CTNND2: variants seen among roughly 807,000 people sequenced by gnomAD.
CTNND2 encodes catenin delta 2, also known as catenin delta-2.
A neutral mutation model predicts 144.4 loss-of-function variants in CTNND2; 22 were observed. That is an observed-to-expected ratio of 0.15 (90% CI 0.11 to 0.22). The LOEUF is 0.22. Among genes scored for constraint, CTNND2 ranks in the 10% least tolerant of loss-of-function variants. The pLI is 1.00. For synonymous variants in CTNND2, 751 were observed against 695.6 expected, an observed-to-expected ratio of 1.08 and a Z score of -1.25; for missense variants, 1,353 against 1,618.8, an observed-to-expected ratio of 0.84 and a Z score of 2.82.
chr5:11,826,957 A>G (rs1197992604), intron 1 of CTNND2, among the ~76,000 whole-genome samples: 1 of 152,112 alleles, frequency 6.6e-6, no homozygotes, highest in Non-Finnish European at 1.5e-5. Context: ...AACCCTACAC[A>G]ACGGTATCAA....
chr5:11,032,124 C>T (rs1313110222), intron 16 of CTNND2, among the ~76,000 whole-genome samples: 1 of 152,158 alleles, frequency 6.6e-6, no homozygotes, highest in Non-Finnish European at 1.5e-5. Flanking sequence ...TGATTGTGTC[C>T]AGGTGGTGAG....
chr5:11,680,046 G>C (rs1191738293), intron 2 of CTNND2, among the ~76,000 whole-genome samples: 1 of 152,198 alleles, frequency 6.6e-6, no homozygotes, highest in Admixed American at 6.5e-5. Flanking sequence ...AGTGTAACAT[G>C]AAGGAAAGTC....
At chr5:11,481,735 G>T (rs1269722999) in intron 3 of CTNND2, among the ~76,000 whole-genome samples, 1 of 152,142 alleles carries the variant, frequency 6.6e-6, no homozygotes, top group Admixed American at 6.5e-5. Context: ...CACAAAGGAA[G>T]GTTGAGTATT....
At chr5:11,111,126 C>T in intron 13 of CTNND2, 83 bp from the exon 14 acceptor site, 1 of 1,394,570 alleles carries the variant, frequency 7.2e-7, no homozygotes, top group East Asian at 2.3e-5. Context: ...AGGCCTCTTT[C>T]TCCATGGACA....
At chr5:11,299,913 G>T (rs1002047795) in intron 9 of CTNND2, among the ~76,000 whole-genome samples, 4 of 151,998 alleles carry the variant, frequency 2.6e-5, no homozygotes, top group Non-Finnish European at 4.4e-5. Flanking sequence ...TCAGTGCTCT[G>T]ATATGCCATG....
At chr5:11,503,751 C>G (rs1770747474) in intron 3 of CTNND2, among the ~76,000 whole-genome samples, 1 of 152,178 alleles carries the variant, frequency 6.6e-6, no homozygotes, top group South Asian at 2.1e-4. Context: ...TTTCTGTAAA[C>G]TGGTTTGTTC....
chr5:11,650,118 T>C (rs2561610), intron 2 of CTNND2, among the ~76,000 whole-genome samples: 54,644 of 152,032 alleles, frequency 0.36, 13,013 homozygotes, highest in African/African-American at 0.68. Context: ...AGGGGCCTGG[T>C]GGAACATGAT....
intron 2 of CTNND2, among the ~76,000 whole-genome samples, chr5:11,601,159 C>T (rs570736132): frequency 1.2e-4 from 19 of 152,060 alleles, no homozygotes; most frequent in South Asian, 2.1e-4. Flanking sequence ...GATGTATAAA[C>T]GAGAACATGC....
chr5:11,850,407 A>T (rs1582001804), intron 1 of CTNND2, among the ~76,000 whole-genome samples: 1 of 152,204 alleles, frequency 6.6e-6, no homozygotes, highest in African/African-American at 2.4e-5. Context: ...ACTAACAATC[A>T]ACTTCTCATT....
rs1037000492 is a variant in CTNND2, at chr5:11,872,007, A to G, written c.37+31810T>C. Among the ~76,000 whole-genome samples, 12 of 152,038 alleles carry G rather than the reference A, an allele frequency of 7.9e-5. No individual in the cohort carries two copies. In the East Asian group the frequency reaches 2.1e-3, roughly 27 times the overall value. On this transcript the variant is annotated intron_variant, in intron 1 of 21. Coordinates refer to ENST00000304623, the MANE Select transcript of CTNND2 (RefSeq NM_001332.4). ...CATCAACCTGTCATCTACATTAGGT[A>G]TTTCTCCTAATGCTATCCCTCCCCT...
chr5:11,879,339 G>GTATCTATATATATATATATATATA (rs368634452), intron 1 of CTNND2, among the ~76,000 whole-genome samples: 1 of 100,964 alleles, frequency 9.9e-6, no homozygotes, highest in African/African-American at 3.4e-5. Context: ...AATTAAATGT[G>GTATCTATATATATATATATATATA]TGTATATATA....
chr5:11,167,408 G>A (rs1054240063), intron 11 of CTNND2, among the ~76,000 whole-genome samples: 5 of 152,176 alleles, frequency 3.3e-5, no homozygotes, highest in African/African-American at 1.2e-4. Flanking sequence ...AGAATGAGTT[G>A]TCCTTGACAT....
chr5:11,015,342 A>G (rs1349152971), intron 18 of CTNND2, among the ~76,000 whole-genome samples: 1 of 152,224 alleles, frequency 6.6e-6, no homozygotes, highest in East Asian at 1.9e-4. Context: ...TCTTCCTTTC[A>G]TTTCACAACT....
chr5:11,681,600 T>C (rs936731009), intron 2 of CTNND2, among the ~76,000 whole-genome samples: 1 of 152,200 alleles, frequency 6.6e-6, no homozygotes, highest in African/African-American at 2.4e-5. Context: ...GAAGGGATAA[T>C]GAATGCAATA....
At chr5:11,870,370 T>C (rs935186039) in intron 1 of CTNND2, among the ~76,000 whole-genome samples, 1 of 152,132 alleles carries the variant, frequency 6.6e-6, no homozygotes, top group African/African-American at 2.4e-5. Context: ...AGTGCTGAAA[T>C]GGAGAGCTGT....
intron 12 of CTNND2, among the ~76,000 whole-genome samples, chr5:11,133,361 C>CT (rs986178331): frequency 6.6e-5 from 10 of 150,866 alleles, no homozygotes; most frequent in Non-Finnish European, 1.0e-4. Context: ...TTTTCTTTTT[C>CT]TTTTTTTTGA....
chr5:11,079,309 C>T (rs1048596133), intron 16 of CTNND2, among the ~76,000 whole-genome samples: 1 of 152,186 alleles, frequency 6.6e-6, no homozygotes, highest in Non-Finnish European at 1.5e-5. Context: ...TCTGCTGAGC[C>T]TCTGGATGCT....
intron 9 of CTNND2, among the ~76,000 whole-genome samples, chr5:11,250,647 G>T (rs2149931656): frequency 6.6e-6 from 1 of 151,198 alleles, no homozygotes; most frequent in South Asian, 2.1e-4. Context: ...CTCCAAAGTA[G>T]CTAGTACTAC....
At chr5:11,449,333 G>C (rs1765105666) in intron 3 of CTNND2, among the ~76,000 whole-genome samples, 1 of 152,140 alleles carries the variant, frequency 6.6e-6, no homozygotes, top group Non-Finnish European at 1.5e-5. Flanking sequence ...CAAATGAATA[G>C]TGAATTCATG....
Sources: allele counts gnomAD v4.1 joint callset (sites outside exome capture counted in the v4.1 genomes callset), GRCh38; gene constraint gnomAD v4.1.1; transcripts MANE v1.5; gene names NCBI Gene and HGNC (gene_info 2026-07-23, HGNC 2026-07-21).